HTR5A: variants seen among roughly 807,000 people sequenced by gnomAD.
HTR5A encodes the protein 5-HT-5.
HTR5A carries 21 observed loss-of-function variants against 24.3 expected under a neutral mutation model. The ratio of observed to expected loss-of-function variants is 0.86; its 90% confidence interval spans 0.61 to 1.24. The LOEUF is 1.24. Ranked by LOEUF, HTR5A falls within the 50% of genes most tolerant of loss-of-function variation. HTR5A has a pLI of 0.00. For missense variants in HTR5A, 497 were observed against 489.5 expected (o/e 1.02, Z -0.15); for synonymous variants, 260 against 213.7 (o/e 1.22, Z -1.89).
At chr7:155,074,309 T>A (rs1319825633) in intron 1 of HTR5A, among the ~76,000 whole-genome samples, 1 of 152,208 alleles carries the variant, frequency 6.6e-6, no homozygotes, top group African/African-American at 2.4e-5. Flanking sequence ...AAGCCACTGC[T>A]AGAGATCTGA....
rs2150822289 is a variant in HTR5A, at chr7:155,085,200, A to C, written c.*713A>C. 1 of 152,358 alleles carries C rather than the reference A, an allele frequency of 6.6e-6. No homozygotes were observed. Among genetic ancestry groups the C allele is most frequent in the Non-Finnish European group, 1.5e-5 (1 of 68,046 alleles). 9.4% of individuals were successfully genotyped at this position (152,358 alleles called of 1,614,324 possible). On this transcript the variant is annotated 3_prime_UTR_variant, in exon 2 of 2. Coordinates refer to ENST00000287907, the MANE Select transcript of HTR5A (RefSeq NM_024012.4). ...ATCCGTTGACATGAAACAGGCACTG[A>C]GGGTAACTACTTCCTTTCATTTTGA...
At chr7:155,080,004 A>G (rs1795398743) in intron 1 of HTR5A, among the ~76,000 whole-genome samples, 1 of 152,216 alleles carries the variant, frequency 6.6e-6, no homozygotes, top group African/African-American at 2.4e-5. Context: ...TCTTCAAATC[A>G]TTAGCCCTCA....
At chr7:155,072,970 G>A (rs1224270468) in intron 1 of HTR5A, among the ~76,000 whole-genome samples, 1 of 152,110 alleles carries the variant, frequency 6.6e-6, no homozygotes, top group African/African-American at 2.4e-5. Context: ...ATTTCTCAGC[G>A]AAGGGTAATA....
chr7:155,077,116 C>T (rs1795366621), intron 1 of HTR5A: 1 of 152,178 alleles, frequency 6.6e-6, no homozygotes, highest in African/African-American at 2.4e-5. Flanking sequence ...ATCAGTATTT[C>T]TATAGTAATT....
At chr7:155,075,878 T>C (rs945317731) in intron 1 of HTR5A, among the ~76,000 whole-genome samples, 4 of 152,198 alleles carry the variant, frequency 2.6e-5, no homozygotes, top group Non-Finnish European at 5.9e-5. Flanking sequence ...TATCCAACTG[T>C]TTAAATGGGG....
intron 1 of HTR5A, 112 bp downstream of exon 1, chr7:155,071,752 G>A: frequency 1.8e-6 from 2 of 1,099,420 alleles, no homozygotes; most frequent in South Asian, 3.0e-5. Context: ...TTTGTGTTTG[G>A]GAGTGGGGGG....
At chr7:155,079,019 A>G (rs1038754737) in intron 1 of HTR5A, among the ~76,000 whole-genome samples, 8 of 151,574 alleles carry the variant, frequency 5.3e-5, no homozygotes, top group Admixed American at 5.3e-4. Context: ...GCAGTGGCAC[A>G]ACCGTAGCTC....
At position 155,070,531 on chromosome 7, in the gene HTR5A, A is replaced by T; in HGVS notation, c.-369A>T. On this transcript the variant is annotated 5_prime_UTR_variant, in exon 1 of 2. Coordinates refer to ENST00000287907, the MANE Select transcript of HTR5A (RefSeq NM_024012.4). ...GCACCAGCCCCTCTCCTGCACCCAC[A>T]CGCTGCTGGCCGCCCAGCTTCTCCC... 2.8e-6 allele frequency: 1 copy of T among 362,416 alleles called. No homozygotes were observed. Among genetic ancestry groups the T allele is most frequent in the Non-Finnish European group, 5.3e-6 (1 of 188,502 alleles). The allele number at this position is 362,416 out of a possible 1,614,324, so 22.5% of individuals were successfully genotyped here.
chr7:155,078,447 G>A (rs1795380876), intron 1 of HTR5A, among the ~76,000 whole-genome samples: 1 of 152,136 alleles, frequency 6.6e-6, no homozygotes, highest in East Asian at 1.9e-4. Context: ...CGAGTAGCTG[G>A]GACTGCAAGT....
Position 155,084,790 on chromosome 7 carries a change from A to G in HTR5A, c.*303A>G. ...AATTCACTCTGGCATGGTGATCGAC[A>G]TTGTCTTAAAGAAGTCAAGGCAAAT... On this transcript the variant is annotated 3_prime_UTR_variant, in exon 2 of 2. Coordinates refer to ENST00000287907, the MANE Select transcript of HTR5A (RefSeq NM_024012.4). 1 of 305,250 alleles carries G rather than the reference A, an allele frequency of 3.3e-6. No individual in the cohort carries two copies. Among genetic ancestry groups the G allele is most frequent in the African/African-American group, 2.2e-5 (1 of 44,878 alleles). The allele number at this position is 305,250 out of a possible 1,614,324, so 18.9% of individuals were successfully genotyped here. A position where few individuals can be genotyped will look rare whatever the true frequency, so the allele number is the denominator to read the frequency against.
At chr7:155,080,474 T>C (rs1232991878) in intron 1 of HTR5A, among the ~76,000 whole-genome samples, 17 of 152,294 alleles carry the variant, frequency 1.1e-4, no homozygotes. Flanking sequence ...GCAATTGAGT[T>C]TGGGGCCCAG....
intron 1 of HTR5A, among the ~76,000 whole-genome samples, chr7:155,079,649 G>A (rs573817469): frequency 1.3e-5 from 2 of 152,300 alleles, no homozygotes; most frequent in East Asian, 1.9e-4. Flanking sequence ...GAAGAAAATT[G>A]CAAGACTTAG....
At chr7:155,073,897 A>ATATATGTATATATATATATGTGTG (rs1563419657) in intron 1 of HTR5A, among the ~76,000 whole-genome samples, 1 of 19,804 alleles carries the variant, frequency 5.0e-5, no homozygotes, top group African/African-American at 6.0e-5. Flanking sequence ...ATGTATATAT[A>ATATATGTATATATATATATGTGTG]TATATATATA....
At chr7:155,071,982 G>A (rs1476387150) in intron 1 of HTR5A, among the ~76,000 whole-genome samples, 2 of 152,140 alleles carry the variant, frequency 1.3e-5, no homozygotes, top group African/African-American at 4.8e-5. Flanking sequence ...GCTGGTATCT[G>A]GGGTACGCTG....
rs771718011 is a variant in HTR5A, at chr7:155,084,319, T to G, written c.906T>G (p.Phe302Leu). The change falls in exon 2 of 2, where the codon TTT (phenylalanine) becomes TTG (leucine). Residue 302 changes from phenylalanine to leucine, a missense_variant. Coordinates refer to ENST00000287907, the MANE Select transcript of HTR5A (RefSeq NM_024012.4). Reference sequence around the variant, plus strand: ...TCGTGCTCTGCTGGATCCCCTTCTTTCTCACCGAGCTCATCAGTCCCCTCT... The same window carrying G: ...TCGTGCTCTGCTGGATCCCCTTCTTGCTCACCGAGCTCATCAGTCCCCTCT... ...GVFVLCWIPF[F>L]LTELISPLCS... 1 of 1,614,138 alleles carries G rather than the reference T, an allele frequency of 6.2e-7. No individual in the cohort carries two copies. Among genetic ancestry groups the G allele is most frequent in the Non-Finnish European group, 8.5e-7 (1 of 1,180,030 alleles).
chr7:155,071,049 G>T lies in HTR5A; in HGVS notation c.150G>T (p.Leu50=). The T allele has an allele frequency of 6.2e-7, 1 of 1,610,452 alleles. No individual in the cohort carries two copies. The highest frequency in any genetic ancestry group is 1.3e-5 in the African/African-American group (1 of 75,054). ...GVLILTLLGF[L]VAATFAWNLL... is the part of the protein sequence containing the mutation. ...TTATTCTCACCTTGCTGGGCTTTCTGGTGGCGGCGACGTTCGCCTGGAACC... is the reference window on the plus strand; with the variant it reads ...TTATTCTCACCTTGCTGGGCTTTCTTGTGGCGGCGACGTTCGCCTGGAACC... The change falls in exon 1 of 2, where the codon CTG becomes CTT. Residue 50 remains leucine (L), a synonymous_variant. Coordinates refer to ENST00000287907, the MANE Select transcript of HTR5A (RefSeq NM_024012.4).
In HTR5A at chr7:155,071,394, C is replaced by G; in HGVS notation, c.495C>G (p.Thr165=). ...KCVSNVMIAL[T]WALSAVISLA... ...TCTCCAACGTCATGATCGCGCTCAC[C>G]TGGGCACTCTCCGCTGTCATCTCTC... Residue 165 remains threonine (T), a synonymous_variant, in exon 1 of 2, where the codon ACC becomes ACG. Coordinates refer to ENST00000287907, the MANE Select transcript of HTR5A (RefSeq NM_024012.4). 6.2e-7 allele frequency: 1 copy of G among 1,614,160 alleles called. No homozygotes were observed. Among genetic ancestry groups the G allele is most frequent in the East Asian group, 2.2e-5 (1 of 44,884 alleles).
At chr7:155,082,189 C>T (rs1290455130) in intron 1 of HTR5A, among the ~76,000 whole-genome samples, 1 of 151,502 alleles carries the variant, frequency 6.6e-6, no homozygotes, top group African/African-American at 2.4e-5. Flanking sequence ...TGAACAGCAT[C>T]CATGGTGTCA....
intron 1 of HTR5A, among the ~76,000 whole-genome samples, chr7:155,081,355 T>TGAAATAAAAGG (rs1795416119): frequency 6.6e-6 from 1 of 152,176 alleles, no homozygotes; most frequent in South Asian, 2.1e-4. Context: ...ACATACCAGA[T>TGAAATAAAAGG]TTGTGATTAA....
Sources: allele counts gnomAD v4.1 joint callset (sites outside exome capture counted in the v4.1 genomes callset), GRCh38; gene constraint gnomAD v4.1.1; transcripts MANE v1.5; gene names NCBI Gene and HGNC (gene_info 2026-07-23, HGNC 2026-07-21).